Variants in PRTFDC1 observed in about 807,000 individuals in gnomAD.
The protein encoded by PRTFDC1 is phosphoribosyl transferase domain containing 1, also known as phosphoribosyltransferase domain-containing protein 1.
A neutral mutation model predicts 34.6 loss-of-function variants in PRTFDC1; 38 were observed. The observed-to-expected ratio is 1.10, with a 90% CI of 0.85 to 1.44. The LOEUF (loss-of-function observed/expected upper bound fraction) is 1.44, where lower values mean the gene tolerates loss of function less well. PRTFDC1 is among the 40% of genes most tolerant of loss of function. The probability of loss-of-function intolerance (pLI) is 0.00; values close to 1 mark genes in which losing one functional copy is unlikely to be tolerated. For synonymous variants in PRTFDC1, 93 were observed against 98.1 expected (o/e 0.95, Z 0.31); for missense variants, 270 against 283.0 (o/e 0.95, Z 0.33).
chr10:24,865,099 G>C (rs1847753116), intron 4 of PRTFDC1, among the ~76,000 whole-genome samples: 1 of 152,144 alleles, frequency 6.6e-6, no homozygotes, highest in Non-Finnish European at 1.5e-5. Flanking sequence ...CTGGGTGACA[G>C]AGTGAGACTC....
chr10:24,908,187 A>G (rs961387684), intron 3 of PRTFDC1: 1 of 248,062 alleles, frequency 4.0e-6, no homozygotes, highest in South Asian at 7.9e-5. Flanking sequence ...GCTACATCAT[A>G]CTCTCGTATC....
At chr10:24,901,944 A>C (rs1848456616) in intron 3 of PRTFDC1, among the ~76,000 whole-genome samples, 1 of 152,180 alleles carries the variant, frequency 6.6e-6, no homozygotes, top group African/African-American at 2.4e-5. Flanking sequence ...GTATCCACCC[A>C]CAAGGGCCAA....
chr10:24,940,978 A>C (rs1373285290), intron 2 of PRTFDC1, among the ~76,000 whole-genome samples: 5 of 152,084 alleles, frequency 3.3e-5, no homozygotes, highest in African/African-American at 1.2e-4. Context: ...TTTACTAAAA[A>C]TCATTTAGTT....
chr10:24,858,571 C>A (rs1847621383), intron 4 of PRTFDC1, among the ~76,000 whole-genome samples, 162 bp from the exon 5 acceptor site: 1 of 152,136 alleles, frequency 6.6e-6, no homozygotes, highest in African/African-American at 2.4e-5. Flanking sequence ...TTTCCAGATT[C>A]ATTTTAACAG....
rs369543032 is a variant in PRTFDC1 at position 24,942,318 on chromosome 10, A to T, written c.155+12T>A. 2.3e-4 allele frequency: 365 copies of T among 1,592,446 alleles called. No individual in the cohort carries two copies. The highest frequency in any genetic ancestry group is 3.1e-4 in the Non-Finnish European group (356 of 1,160,392). On this transcript the variant is annotated intron_variant, in intron 2 of 8. Coordinates refer to ENST00000320152, the MANE Select transcript of PRTFDC1 (RefSeq NM_020200.7). Reference sequence around the variant, plus strand: ...GTGCAGGACCAAGATTGACACAGGAAATCACACTCACCTGTCCACAATGAT... The same window carrying T: ...GTGCAGGACCAAGATTGACACAGGATATCACACTCACCTGTCCACAATGAT...
intron 3 of PRTFDC1, chr10:24,908,859 A>G (rs1848581780): frequency 1.9e-6 from 2 of 1,036,552 alleles, no homozygotes; most frequent in Non-Finnish European, 2.7e-6. Flanking sequence ...CAAGAAAACC[A>G]GAAGACCTCT....
intron 3 of PRTFDC1, among the ~76,000 whole-genome samples, chr10:24,902,132 C>T (rs916762638): frequency 2.0e-5 from 3 of 152,136 alleles, no homozygotes; most frequent in African/African-American, 7.2e-5. Context: ...TGGCTCATAG[C>T]AATCAATGGA....
At chr10:24,936,603 A>G (rs1292196871) in intron 3 of PRTFDC1, among the ~76,000 whole-genome samples, 1 of 152,188 alleles carries the variant, frequency 6.6e-6, no homozygotes, top group Non-Finnish European at 1.5e-5. Flanking sequence ...ATCTTTGGAG[A>G]ATAATTCCAT....
chr10:24,895,146 A>T (rs1287714089), intron 3 of PRTFDC1, among the ~76,000 whole-genome samples: 5 of 151,918 alleles, frequency 3.3e-5, no homozygotes, highest in African/African-American at 1.2e-4. Flanking sequence ...CTGAGGCCTG[A>T]GGAAGTTGTG....
At chr10:24,886,925 T>TTTACATCTTTGTATC (rs1848176620) in intron 3 of PRTFDC1, among the ~76,000 whole-genome samples, 1 of 151,624 alleles carries the variant, frequency 6.6e-6, no homozygotes, top group African/African-American at 2.4e-5. Flanking sequence ...ATCTTTGTAT[T>TTTACATCTTTGTATC]TTACATCTTT....
chr10:24,856,515 G>C (rs955048858), intron 6 of PRTFDC1, among the ~76,000 whole-genome samples: 7 of 151,996 alleles, frequency 4.6e-5, no homozygotes, highest in East Asian at 1.9e-4. Flanking sequence ...TTGAACCCAG[G>C]GGGTGGAGGT....
At chr10:24,902,341 C>T (rs1239373066) in intron 3 of PRTFDC1, among the ~76,000 whole-genome samples, 1 of 152,144 alleles carries the variant, frequency 6.6e-6, no homozygotes, top group Non-Finnish European at 1.5e-5. Context: ...TTACAGGGCC[C>T]CACTTTATTT....
intron 3 of PRTFDC1, among the ~76,000 whole-genome samples, chr10:24,906,820 A>G (rs141616615): frequency 1.1e-4 from 17 of 152,314 alleles, no homozygotes; most frequent in Admixed American, 9.1e-4. Context: ...CTCCCGTGTG[A>G]GCATCACAAT....
At chr10:24,884,342 T>C (rs1588590728) in intron 3 of PRTFDC1, among the ~76,000 whole-genome samples, 2 of 152,270 alleles carry the variant, frequency 1.3e-5, no homozygotes, top group South Asian at 2.1e-4. Flanking sequence ...CATGGAGCCA[T>C]GGAAACTTCT....
intron 4 of PRTFDC1, among the ~76,000 whole-genome samples, chr10:24,866,588 C>T (rs747850221): frequency 3.3e-5 from 5 of 151,958 alleles, no homozygotes; most frequent in Non-Finnish European, 7.4e-5. Context: ...AATATTAAAT[C>T]AACTTTGGAA....
chr10:24,917,714 C>T (rs1848716929), intron 3 of PRTFDC1, among the ~76,000 whole-genome samples: 1 of 152,114 alleles, frequency 6.6e-6, no homozygotes. Flanking sequence ...GATGGATTTA[C>T]TAGTGGATTC....
At chr10:24,884,784 T>A (rs972962065) in intron 3 of PRTFDC1, among the ~76,000 whole-genome samples, 9 of 152,140 alleles carry the variant, frequency 5.9e-5, no homozygotes, top group African/African-American at 2.2e-4. Flanking sequence ...ATATTGGCCA[T>A]CCTAAATCAA....
chr10:24,931,751 T>C (rs998843181), intron 3 of PRTFDC1, among the ~76,000 whole-genome samples: 34 of 152,006 alleles, frequency 2.2e-4, no homozygotes, highest in African/African-American at 7.9e-4. Context: ...GAAAGCTCCA[T>C]GTCAAGATGG....
intron 3 of PRTFDC1, among the ~76,000 whole-genome samples, chr10:24,922,547 C>G (rs1043769235): frequency 1.3e-5 from 2 of 152,114 alleles, no homozygotes; most frequent in African/African-American, 4.8e-5. Flanking sequence ...GGAGAGTTCC[C>G]CTGCATATGC....
Sources: gnomAD v4.1 joint callset for allele counts (sites outside exome capture counted in the v4.1 genomes callset) on GRCh38, gnomAD v4.1.1 for gene constraint, MANE v1.5 for transcripts, NCBI Gene and HGNC (gene_info 2026-07-23, HGNC 2026-07-21) for gene names.